Variants in RUNX1T1 observed in about 807,000 individuals in gnomAD.
RUNX1T1 encodes protein CBFA2T1.
In RUNX1T1, 4 loss-of-function variants were observed where a neutral mutation model predicts 62.8. That is an observed-to-expected ratio of 0.06 (90% confidence interval 0.03 to 0.15). The LOEUF (loss-of-function observed/expected upper bound fraction) is 0.15. Among genes scored for constraint, RUNX1T1 ranks in the 10% least tolerant of loss-of-function variants. RUNX1T1 has a pLI of 1.00. For missense variants in RUNX1T1, 508 were observed against 754.3 expected, an observed-to-expected ratio of 0.67 and a Z score of 3.82; for synonymous variants, 291 against 286.0, an observed-to-expected ratio of 1.02 and a Z score of -0.18.
At chr8:92,041,706 C>T (rs1354117549) in intron 1 of RUNX1T1, among the ~76,000 whole-genome samples, 1 of 152,130 alleles carries the variant, frequency 6.6e-6, no homozygotes, top group African/African-American at 2.4e-5. Context: ...CACGCAACTG[C>T]ACTCCAGCCT....
rs1222591596 is a variant in RUNX1T1, at chr8:91,976,807, C to T, written c.1199-834G>A. ...TACCGTCTTCCATAGCTAAAATATG[C>T]ATTTCATGTCTTCCATATTGGATTT... On this transcript the variant is annotated intron_variant, in intron 8 of 10. Coordinates refer to ENST00000396218, the Ensembl canonical transcript of RUNX1T1. 2.6e-5 allele frequency among the ~76,000 whole-genome samples: 4 copies of T among 152,124 alleles called. No homozygotes were observed. In the East Asian group the frequency reaches 5.8e-4, roughly 22 times the overall value.
At chr8:92,029,751 A>G (rs1388574712) in intron 1 of RUNX1T1, among the ~76,000 whole-genome samples, 1 of 152,144 alleles carries the variant, frequency 6.6e-6, no homozygotes. Context: ...ACCACACTGC[A>G]ATCTGTTTAC....
intron 1 of RUNX1T1, among the ~76,000 whole-genome samples, chr8:92,057,222 C>T (rs1203484599): frequency 6.6e-6 from 1 of 152,138 alleles, no homozygotes; most frequent in African/African-American, 2.4e-5. Context: ...TACTATAATT[C>T]AGATTCAAAC....
At chr8:92,054,770 C>A (rs939700228) in intron 1 of RUNX1T1, among the ~76,000 whole-genome samples, 2 of 152,008 alleles carry the variant, frequency 1.3e-5, no homozygotes, top group Non-Finnish European at 2.9e-5. Flanking sequence ...GGGAGGCGGG[C>A]GGATCACGAG....
chr8:92,061,428 T>C (rs1832014710), intron 1 of RUNX1T1, among the ~76,000 whole-genome samples: 1 of 152,196 alleles, frequency 6.6e-6, no homozygotes, highest in African/African-American at 2.4e-5. Context: ...TAAAATGACC[T>C]TTCAAAGACC....
intron 5 of RUNX1T1, among the ~76,000 whole-genome samples, chr8:91,992,768 C>T (rs956761206): frequency 2.0e-5 from 3 of 152,110 alleles, no homozygotes; most frequent in Admixed American, 1.3e-4. Context: ...CATGGCAGGA[C>T]GGGAACACCC....
rs187947990 is a variant in RUNX1T1, at chr8:92,033,950, T to C, written c.8-16587A>G. Among the ~76,000 whole-genome samples, 533 of 151,462 alleles carry C rather than the reference T, an allele frequency of 3.5e-3. 2 individuals carry two copies. Among genetic ancestry groups the C allele is most frequent in the Non-Finnish European group, 6.6e-3 (447 of 67,914 alleles). On this transcript the variant is annotated intron_variant, in intron 1 of 10. Coordinates refer to ENST00000396218, the Ensembl canonical transcript of RUNX1T1. ...CACCACCGCACTCCAGCCTGGGCAA[T>C]AGAGCGAGACTCTGTCTCAAAAAAA... is the stretch of plus-strand genomic sequence containing the variant.
chr8:92,015,816 CTT>C (rs1822877957), intron 2 of RUNX1T1, among the ~76,000 whole-genome samples: 2 of 152,176 alleles, frequency 1.3e-5, no homozygotes, highest in African/African-American at 4.8e-5. Flanking sequence ...AAATGGTTCT[CTT>C]GTCACAACTG....
chr8:91,986,851 A>G (rs1452596816), intron 7 of RUNX1T1, 36 bp downstream of exon 8: 2 of 1,396,510 alleles, frequency 1.4e-6, no homozygotes, highest in Non-Finnish European at 2.0e-6. Flanking sequence ...TGTTTTCCAA[A>G]CATTTTTTAA....
chr8:92,013,535 T>C (rs898476526), intron 3 of RUNX1T1, among the ~76,000 whole-genome samples: 2 of 152,130 alleles, frequency 1.3e-5, no homozygotes, highest in African/African-American at 4.8e-5. Flanking sequence ...AAATAATCTA[T>C]TTCAAGAAAG....
chr8:92,032,558 T>A (rs1198422612), intron 1 of RUNX1T1, among the ~76,000 whole-genome samples: 1 of 152,110 alleles, frequency 6.6e-6, no homozygotes, highest in Non-Finnish European at 1.5e-5. Context: ...AAAAGGCAAG[T>A]AACAAATGAA....
intron 1 of RUNX1T1, among the ~76,000 whole-genome samples, chr8:92,040,695 C>T (rs1258521788): frequency 2.0e-5 from 3 of 152,156 alleles, no homozygotes; most frequent in African/African-American, 7.2e-5. Flanking sequence ...AATCTTTGTA[C>T]ATGCCTTCCT....
chr8:92,017,616 A>G (rs1823268444), intron 1 of RUNX1T1: 1 of 1,353,810 alleles, frequency 7.4e-7, no homozygotes, highest in African/African-American at 1.5e-5. Flanking sequence ...GCTTAGGCAG[A>G]TGCTACCTTG....
At chr8:91,970,637 G>A (rs769168175) in intron 10 of RUNX1T1, 21 bp downstream of exon 11, 17 of 1,568,038 alleles carry the variant, frequency 1.1e-5, no homozygotes, top group Non-Finnish European at 1.4e-5. Flanking sequence ...TGTTTATTTG[G>A]AGCTTCCCAA....
At chr8:91,972,483 G>A (rs1028892721) in intron 9 of RUNX1T1, among the ~76,000 whole-genome samples, 1 of 152,056 alleles carries the variant, frequency 6.6e-6, no homozygotes, top group Non-Finnish European at 1.5e-5. Flanking sequence ...TCAGAGTATT[G>A]CAAACAGCTT....
At chr8:91,987,300 C>T (rs964908357) in intron 6 of RUNX1T1, among the ~76,000 whole-genome samples, 2 of 152,110 alleles carry the variant, frequency 1.3e-5, no homozygotes, top group African/African-American at 2.4e-5. Flanking sequence ...TTAATAAATA[C>T]AAGAAACCAC....
At chr8:92,034,791 C>CATATATATAAACAT (rs145057755) in intron 1 of RUNX1T1, among the ~76,000 whole-genome samples, 1 of 115,578 alleles carries the variant, frequency 8.7e-6, no homozygotes, top group Non-Finnish European at 1.8e-5. Flanking sequence ...TATATATATA[C>CATATATATAAACAT]ATATATACAC....
intron 1 of RUNX1T1, among the ~76,000 whole-genome samples, chr8:92,039,778 C>T (rs1275135199): frequency 6.6e-6 from 1 of 152,202 alleles, no homozygotes; most frequent in East Asian, 1.9e-4. Flanking sequence ...CACCACTGCT[C>T]ACCATACCTG....
chr8:92,025,584 G>C (rs1374753989), intron 1 of RUNX1T1, among the ~76,000 whole-genome samples: 1 of 152,136 alleles, frequency 6.6e-6, no homozygotes, highest in African/African-American at 2.4e-5. Flanking sequence ...TCTATCCCCA[G>C]CTGGCCGGGT....
Sources: gnomAD v4.1 joint callset for allele counts (sites outside exome capture counted in the v4.1 genomes callset) on GRCh38, gnomAD v4.1.1 for gene constraint, MANE v1.5 for transcripts, NCBI Gene and HGNC (gene_info 2026-07-23, HGNC 2026-07-21) for gene names.